Variants in CENPP observed in about 807,000 individuals in gnomAD.
The protein encoded by CENPP is centromere protein P.
Under a neutral mutation model 35.6 loss-of-function variants are expected in CENPP, and 24 were observed. The ratio of observed to expected loss-of-function variants is 0.67; its 90% confidence interval spans 0.49 to 0.95. The LOEUF is 0.95. CENPP is among the 40% of genes least tolerant of loss of function. CENPP has a pLI of 0.00. For synonymous variants in CENPP, 120 were observed against 125.5 expected (o/e 0.96, Z 0.29); for missense variants, 332 against 345.3 (o/e 0.96, Z 0.31).
At chr9:92,387,546 C>T (rs1352064486) in intron 5 of CENPP, among the ~76,000 whole-genome samples, 1 of 151,860 alleles carries the variant, frequency 6.6e-6, no homozygotes, top group Non-Finnish European at 1.5e-5. Context: ...ACTCTTTTAC[C>T]TTATCTTCAA....
chr9:92,495,903 CT>C lies in CENPP; in HGVS notation c.565-115404del, dbSNP rs1317084353. 14 of 984,322 alleles carry C rather than the reference CT, an allele frequency of 1.4e-5. No homozygotes were observed. The African/African-American group carries it at 2.3e-4, about 16-fold the overall frequency. 61.0% of individuals were successfully genotyped at this position (984,322 alleles called of 1,614,324 possible). On this transcript the variant is annotated intron_variant, in intron 5 of 7. Coordinates refer to ENST00000375587, the MANE Select transcript of CENPP (RefSeq NM_001012267.3). ...AACACTTATTCATAAATTCTGCCTG[CT>C]TTTTTTGTTGTCATTATGCTTCTTA...
intron 1 of CENPP, among the ~76,000 whole-genome samples, chr9:92,331,038 CAATG>C (rs779444472): frequency 6.6e-5 from 10 of 151,976 alleles, no homozygotes; most frequent in Non-Finnish European, 1.5e-4. Flanking sequence ...TATATGTTCT[CAATG>C]AAGAATGTCT....
intron 5 of CENPP, among the ~76,000 whole-genome samples, chr9:92,572,324 A>G (rs1434768640): frequency 6.6e-6 from 1 of 152,052 alleles, no homozygotes; most frequent in Non-Finnish European, 1.5e-5. Context: ...TCTGTAAAGG[A>G]TTTTATTCCT....
chr9:92,552,593 T>G (rs778967232), intron 5 of CENPP, among the ~76,000 whole-genome samples: 1 of 152,298 alleles, frequency 6.6e-6, no homozygotes, highest in Non-Finnish European at 1.5e-5. Context: ...CTCTGATTAT[T>G]AGTGATGTTG....
At chr9:92,397,826 A>G (rs1385123802) in intron 5 of CENPP, among the ~76,000 whole-genome samples, 1 of 152,234 alleles carries the variant, frequency 6.6e-6, no homozygotes, top group Non-Finnish European at 1.5e-5. Context: ...AACATATACA[A>G]TATACATGCA....
chr9:92,391,769 T>C (rs1450914857), intron 5 of CENPP, among the ~76,000 whole-genome samples: 1 of 152,198 alleles, frequency 6.6e-6, no homozygotes, highest in East Asian at 1.9e-4. Flanking sequence ...CAGATGGGAA[T>C]GTGCATGTCA....
At chr9:92,428,569 C>G (rs2130983221) in intron 5 of CENPP, among the ~76,000 whole-genome samples, 1 of 152,250 alleles carries the variant, frequency 6.6e-6, no homozygotes, top group Non-Finnish European at 1.5e-5. Context: ...GTCTGTGTCT[C>G]ATACCATGAC....
At chr9:92,439,861 AAG>A (rs1844343010) in intron 5 of CENPP, among the ~76,000 whole-genome samples, 1 of 152,200 alleles carries the variant, frequency 6.6e-6, no homozygotes, top group African/African-American at 2.4e-5. Context: ...AAGTATGGAT[AAG>A]AGTGGTGAAT....
chr9:92,489,739 G>A (rs542705903), intron 5 of CENPP, among the ~76,000 whole-genome samples: 3 of 152,052 alleles, frequency 2.0e-5, no homozygotes, highest in South Asian at 4.1e-4. Flanking sequence ...ACTCTGTTCC[G>A]TGCCATGGAC....
At chr9:92,540,021 T>C (rs1849280902) in intron 5 of CENPP, among the ~76,000 whole-genome samples, 1 of 152,226 alleles carries the variant, frequency 6.6e-6, no homozygotes, top group South Asian at 2.1e-4. Flanking sequence ...TTTTAAACAG[T>C]TTTCACATTT....
chr9:92,391,338 C>T (rs1280252515), intron 5 of CENPP, among the ~76,000 whole-genome samples: 1 of 151,972 alleles, frequency 6.6e-6, no homozygotes, highest in Non-Finnish European at 1.5e-5. Context: ...ACCTGGGAGG[C>T]GGAGCTAGCA....
At chr9:92,513,749 A>G (rs747520671) in intron 5 of CENPP, among the ~76,000 whole-genome samples, 24 of 152,354 alleles carry the variant, frequency 1.6e-4, no homozygotes, top group Non-Finnish European at 2.6e-4. Flanking sequence ...CAGAAAACAG[A>G]TCAGTGTTCT....
At position 92,452,956 on chromosome 9, in the gene CENPP, C is replaced by T. The variant is rs542104821; in HGVS notation, c.564+73097C>T. 4.8e-3 allele frequency among the ~76,000 whole-genome samples: 733 copies of T among 152,218 alleles called. 4 individuals carry two copies. Among genetic ancestry groups the T allele is most frequent in the African/African-American group, 0.015 (638 of 41,522 alleles). ...GGATCGGTGGTGATATCCCCTTTATCATTTTTTATTGCGTCTATTTGAATC... is the reference window on the plus strand; with the variant it reads ...GGATCGGTGGTGATATCCCCTTTATTATTTTTTATTGCGTCTATTTGAATC... On this transcript the variant is annotated intron_variant, in intron 5 of 7. Transcript: ENST00000375587.
chr9:92,386,908 CGTG>C (rs763737212), intron 5 of CENPP, among the ~76,000 whole-genome samples: 2 of 151,504 alleles, frequency 1.3e-5, no homozygotes, highest in Non-Finnish European at 2.9e-5. Context: ...ATTAGACAGG[CGTG>C]GTGGTGGGCG....
chr9:92,520,608 T>TA (rs950768640), intron 5 of CENPP, among the ~76,000 whole-genome samples: 5 of 152,182 alleles, frequency 3.3e-5, no homozygotes, highest in African/African-American at 1.2e-4. Context: ...CCCTCCTAAG[T>TA]ATATACCCAA....
intron 5 of CENPP, among the ~76,000 whole-genome samples, chr9:92,397,020 T>G (rs1448199446): frequency 6.6e-6 from 1 of 151,070 alleles, no homozygotes; most frequent in Non-Finnish European, 1.5e-5. Flanking sequence ...TACAAAAAAA[T>G]ACAAAAATTA....
chr9:92,509,944 C>T, intron 5 of CENPP: 1 of 1,609,352 alleles, frequency 6.2e-7, no homozygotes, highest in Non-Finnish European at 8.5e-7. Flanking sequence ...TTCTCATTGA[C>T]TTTAAGTTCT....
At chr9:92,448,795 G>A (rs1844619946) in intron 5 of CENPP, among the ~76,000 whole-genome samples, 1 of 152,180 alleles carries the variant, frequency 6.6e-6, no homozygotes, top group African/African-American at 2.4e-5. Context: ...CACCTTAGCA[G>A]AATCGGGCTC....
Position 92,460,611 on chromosome 9 carries a change from G to T in CENPP, c.564+80752G>T, listed in dbSNP as rs147796836. The T allele has an allele frequency of 1.0e-5, 12 of 1,189,632 alleles. No individual in the cohort carries two copies. In the East Asian group the frequency reaches 2.8e-4, roughly 28 times the overall value. The allele number at this position is 1,189,632 out of a possible 1,614,324, so 73.7% of individuals were successfully genotyped here. A position where few individuals can be genotyped will look rare whatever the true frequency, so the allele number is the denominator to read the frequency against. On this transcript the variant is annotated intron_variant, in intron 5 of 7. Coordinates refer to ENST00000375587, the MANE Select transcript of CENPP (RefSeq NM_001012267.3). ...TATATGTTAAGTCAAGTATCACTAA[G>T]CCCAATTGACTATTTGTTTACTTTT... is the stretch of plus-strand genomic sequence containing the variant.
Sources: allele counts gnomAD v4.1 joint callset (sites outside exome capture counted in the v4.1 genomes callset), GRCh38; gene constraint gnomAD v4.1.1; transcripts MANE v1.5; gene names NCBI Gene and HGNC (gene_info 2026-07-23, HGNC 2026-07-21).